MYO1H: variants seen among roughly 807,000 people sequenced by gnomAD.
The protein encoded by MYO1H is myosin IH.
In MYO1H, 118 loss-of-function variants were observed where a neutral mutation model predicts 149.3. The observed-to-expected ratio is 0.79, with a 90% CI of 0.68 to 0.92. The LOEUF (loss-of-function observed/expected upper bound fraction) is 0.92. Ranked by LOEUF, MYO1H falls within the 40% of genes least tolerant of loss-of-function variation. MYO1H has a pLI of 0.00. For missense variants in MYO1H, 1,212 were observed against 1,280.7 expected (o/e 0.95, Z 0.82); for synonymous variants, 447 against 465.2 (o/e 0.96, Z 0.50).
chr12:109,447,098 G>A, intron 31 of MYO1H, 61 bp from the exon 32 acceptor site: 1 of 1,532,954 alleles, frequency 6.5e-7, no homozygotes, highest in Non-Finnish European at 8.9e-7. Flanking sequence ...GGTGATAACT[G>A]TTTCCTTTTG....
chr12:109,314,905 G>C, the MYO1H span, among the ~76,000 whole-genome samples: 3 of 152,098 alleles, frequency 2.0e-5, no homozygotes, highest in Admixed American at 1.3e-4. Context: ...TTCGAGACCA[G>C]CTTGGGCCAC....
At chr12:109,336,589 T>C in the MYO1H span, among the ~76,000 whole-genome samples, 2 of 152,176 alleles carry the variant, frequency 1.3e-5, no homozygotes, top group Admixed American at 1.3e-4. Context: ...GTACCAACAG[T>C]TTAGCAATTT....
At chr12:109,310,700 G>T in the MYO1H span, among the ~76,000 whole-genome samples, 1 of 152,152 alleles carries the variant, frequency 6.6e-6, no homozygotes, top group South Asian at 2.1e-4. Context: ...GTTCTATTCA[G>T]GTGGGCTGTG....
chr12:109,417,980 T>G (rs1318694815), intron 15 of MYO1H, among the ~76,000 whole-genome samples: 1 of 151,370 alleles, frequency 6.6e-6, no homozygotes, highest in Non-Finnish European at 1.5e-5. Context: ...CACGCCCGGC[T>G]AATTTTTTCT....
chr12:109,333,126 C>G, the MYO1H span, among the ~76,000 whole-genome samples: 1 of 152,130 alleles, frequency 6.6e-6, no homozygotes, highest in African/African-American at 2.4e-5. Flanking sequence ...TTGAGACCAG[C>G]CTGGCCAACA....
chr12:109,424,780 G>A (rs1224896884), exon 17 of MYO1H: 1 of 1,613,870 alleles, frequency 6.2e-7, no homozygotes, highest in South Asian at 1.1e-5. Flanking sequence ...TTATCCTGAG[G>A]GAATGCTTCC....
At chr12:109,337,438 A>G in the MYO1H span, among the ~76,000 whole-genome samples, 1 of 152,208 alleles carries the variant, frequency 6.6e-6, no homozygotes, top group African/African-American at 2.4e-5. Context: ...GGTAATTTAT[A>G]AAGAAAAGAG....
At position 109,443,472 on chromosome 12, in the gene MYO1H, C is replaced by G; in HGVS notation, c.2689-42C>G. ...TGTCTGAGTAGCAAGAAACTCGGTA[C>G]TCTGCCCCACCTTCCCTGGTGAAGT... On this transcript the variant is annotated intron_variant, in intron 27 of 31. Transcript: ENST00000310903. The G allele has an allele frequency of 1.9e-6, 3 of 1,603,424 alleles. No homozygotes were observed. The South Asian group carries it at 3.3e-5, about 18-fold the overall frequency.
At chr12:109,358,897 T>C (rs978966065) in intron 1 of MYO1H, among the ~76,000 whole-genome samples, 3 of 148,846 alleles carry the variant, frequency 2.0e-5, no homozygotes, top group Non-Finnish European at 4.4e-5. Context: ...TTTCCCAACC[T>C]TTCCAATAGG....
chr12:109,372,697 G>T (rs73403734), intron 1 of MYO1H, among the ~76,000 whole-genome samples: 15,832 of 151,918 alleles, frequency 0.1, 1,167 homozygotes, highest in African/African-American at 0.2. Flanking sequence ...GCTAAGGCTG[G>T]TACCTTCTCA....
chr12:109,413,957 A>G (rs556881145), intron 14 of MYO1H, among the ~76,000 whole-genome samples: 45 of 152,212 alleles, frequency 3.0e-4, no homozygotes, highest in Admixed American at 2.7e-3. Flanking sequence ...TTGCAATGCA[A>G]TGCATACAAC....
rs1249354950 is a variant in MYO1H at position 109,411,789 on chromosome 12, CAGTCTTTT to C, written c.1411-100_1411-93del. On this transcript the variant is annotated intron_variant, in intron 13 of 31. Transcript: ENST00000310903. ...GTTCACCTGCACTTACATGAATTGA[CAGTCTTTT>C]AGTCCAGTACTTTCTGTTCCAGCTG... 5.5e-6 allele frequency: 4 copies of C among 725,622 alleles called. No individual in the cohort carries two copies. In the East Asian group the frequency reaches 1.2e-4, roughly 22 times the overall value. 44.9% of individuals were successfully genotyped at this position (725,622 alleles called of 1,614,324 possible).
At chr12:109,365,920 C>T (rs549146980) in intron 1 of MYO1H, among the ~76,000 whole-genome samples, 1 of 152,240 alleles carries the variant, frequency 6.6e-6, no homozygotes, top group African/African-American at 2.4e-5. Flanking sequence ...GCCGATGCTC[C>T]GCCTCCTGTT....
the MYO1H span, among the ~76,000 whole-genome samples, chr12:109,323,454 T>C: frequency 2.6e-5 from 4 of 152,346 alleles, no homozygotes; most frequent in Admixed American, 2.6e-4. Flanking sequence ...GAGTCACCTG[T>C]GTTTGTTGGT....
rs1017369849 is a variant in MYO1H, at chr12:109,442,294, G to A, written c.2688+22G>A. ...CCAGGTAAGGCGATGTGTGTCCTCA[G>A]TCTCAAACAGGATTCCCTCATCGAG... On this transcript the variant is annotated intron_variant, in intron 27 of 31. Coordinates refer to ENST00000310903, the Ensembl canonical transcript of MYO1H. The A allele has an allele frequency of 2.5e-6, 4 of 1,608,588 alleles. No individual in the cohort carries two copies. The African/African-American group carries it at 4.0e-5, about 16-fold the overall frequency.
At chr12:109,393,958 A>T (rs1397559464) in intron 3 of MYO1H, among the ~76,000 whole-genome samples, 3 of 152,158 alleles carry the variant, frequency 2.0e-5, no homozygotes, top group Non-Finnish European at 4.4e-5. Context: ...CATAGCGGCT[A>T]AGAGGACTGC....
chr12:109,443,393 C>CACACAT lies in MYO1H; in HGVS notation c.2689-120_2689-119insCACATA, dbSNP rs377010202. On this transcript the variant is annotated intron_variant, in intron 27 of 31. Coordinates refer to ENST00000310903, the Ensembl canonical transcript of MYO1H. The stretch of plus-strand genomic sequence containing the variant: ...ACACACACACACACACACACACACA[C>CACACAT]ATACACGCAAAATCTGTTTGAGCTT... 15 of 853,560 alleles carry CACACAT rather than the reference C, an allele frequency of 1.8e-5. 1 individual carries two copies. In the Middle Eastern group the frequency reaches 1.0e-3, roughly 57 times the overall value. The allele number at this position is 853,560 out of a possible 1,614,324, so 52.9% of individuals were successfully genotyped here. A position where few individuals can be genotyped will look rare whatever the true frequency, so the allele number is the denominator to read the frequency against.
intron 15 of MYO1H, 88 bp from the exon 16 acceptor site, chr12:109,420,888 TTTTTC>T: frequency 1.3e-6 from 1 of 745,538 alleles, no homozygotes; most frequent in South Asian, 1.6e-5. Flanking sequence ...TAAGAAATTC[TTTTTC>T]AGAATTTCCC....
chr12:109,377,375 G>A (rs996914040), intron 1 of MYO1H, among the ~76,000 whole-genome samples: 3 of 152,214 alleles, frequency 2.0e-5, no homozygotes, highest in Non-Finnish European at 4.4e-5. Context: ...GCAAGAGAGA[G>A]GAGGTGGAGG....
Sources: gnomAD v4.1 joint callset for allele counts (sites outside exome capture counted in the v4.1 genomes callset) on GRCh38, gnomAD v4.1.1 for gene constraint, MANE v1.5 for transcripts, NCBI Gene and HGNC (gene_info 2026-07-23, HGNC 2026-07-21) for gene names.